Variants in ZMYM1 observed in about 807,000 individuals in gnomAD.
The protein encoded by ZMYM1 is zinc finger MYM-type containing 1.
A neutral mutation model predicts 60.0 loss-of-function variants in ZMYM1; 39 were observed. The ratio of observed to expected loss-of-function variants is 0.65; its 90% CI spans 0.50 to 0.85. The LOEUF (loss-of-function observed/expected upper bound fraction) is 0.85, where lower values mean the gene tolerates loss of function less well. Among genes scored for constraint, ZMYM1 ranks in the 40% least tolerant of loss-of-function variants. ZMYM1 has a pLI of 0.00. For synonymous variants in ZMYM1, 413 were observed against 454.0 expected, an observed-to-expected ratio of 0.91 and a Z score of 1.15; for missense variants, 1,171 against 1,309.5, an observed-to-expected ratio of 0.89 and a Z score of 1.63.
At chr1:35,088,737 C>T (rs1557652326) in intron 1 of ZMYM1, among the ~76,000 whole-genome samples, 2 of 150,406 alleles carry the variant, frequency 1.3e-5, no homozygotes, top group African/African-American at 4.9e-5. Flanking sequence ...ACATGTTTTG[C>T]TCTTCTTATA....
rs2148575405 is a variant in ZMYM1, at chr1:35,113,739, A to G, written c.1909A>G (p.Ile637Val). ...AATGTTGCAGGATATTGTGAATGAGATCAATGACTCCTCAGCATTTTCAAT... is the reference window on the plus strand; with the variant it reads ...AATGTTGCAGGATATTGTGAATGAGGTCAATGACTCCTCAGCATTTTCAAT... ...TEMLQDIVNE[I>V]NDSSAFSIIC... The change falls in exon 10 of 10, where the codon ATC (isoleucine) becomes GTC (valine). Residue 637 changes from isoleucine (I) to valine (V), a missense_variant. Coordinates refer to ENST00000359858, the MANE Select transcript of ZMYM1 (RefSeq NM_024772.5). 1 of 1,613,940 alleles carries G rather than the reference A, an allele frequency of 6.2e-7. No homozygotes were observed. Among genetic ancestry groups the G allele is most frequent in the Admixed American group, 1.7e-5 (1 of 60,024 alleles).
intron 1 of ZMYM1, among the ~76,000 whole-genome samples, chr1:35,063,725 C>T (rs1005134893): frequency 2.6e-5 from 4 of 152,158 alleles, no homozygotes; most frequent in Admixed American, 6.5e-5. Context: ...GAACATTTGA[C>T]GATCTCTATC....
At chr1:35,083,934 G>A (rs1642523012) in intron 1 of ZMYM1, among the ~76,000 whole-genome samples, 1 of 152,110 alleles carries the variant, frequency 6.6e-6, no homozygotes, top group South Asian at 2.1e-4. Flanking sequence ...TTCAAATACT[G>A]CTTCTTTTGC....
chr1:35,064,477 T>G (rs1420228425), intron 1 of ZMYM1, among the ~76,000 whole-genome samples: 1 of 151,766 alleles, frequency 6.6e-6, no homozygotes, highest in Non-Finnish European at 1.5e-5. Context: ...TATAGGACAC[T>G]CCACCCAACA....
chr1:35,099,020 G>A (rs573506694), intron 4 of ZMYM1, among the ~76,000 whole-genome samples: 15 of 152,240 alleles, frequency 9.9e-5, no homozygotes, highest in African/African-American at 2.6e-4. Context: ...CTTAGTATTC[G>A]TATCTGTTTT....
upstream of ZMYM1, among the ~76,000 whole-genome samples, chr1:35,077,723 C>A (rs952349898): frequency 6.6e-6 from 1 of 152,162 alleles, no homozygotes; most frequent in Non-Finnish European, 1.5e-5. Flanking sequence ...AACCAATCAG[C>A]GCTTCTGGCT....
Position 35,114,829 on chromosome 1 carries a change from A to C in ZMYM1, c.2999A>C (p.Lys1000Thr). The change falls in exon 10 of 10, where the codon AAA becomes ACA. Residue 1000 changes from lysine (K) to threonine (T), a missense_variant. Coordinates refer to ENST00000359858, the MANE Select transcript of ZMYM1 (RefSeq NM_024772.5). ...KIKQISELLF[K>T]WNEPLNETTA... ...AAGCAAATTTCAGAACTGTTATTTAAATGGAATGAACCATTAAATGAAACA... is the reference window on the plus strand; with the variant it reads ...AAGCAAATTTCAGAACTGTTATTTACATGGAATGAACCATTAAATGAAACA... 1 of 1,605,622 alleles carries C rather than the reference A, an allele frequency of 6.2e-7. No homozygotes were observed. The highest frequency in any genetic ancestry group is 8.5e-7 in the Non-Finnish European group (1 of 1,177,186).
At chr1:35,104,184 C>A in intron 4 of ZMYM1, 111 bp from the exon 5 acceptor site, 2 of 1,018,784 alleles carry the variant, frequency 2.0e-6, no homozygotes, top group South Asian at 2.0e-5. Context: ...TTCAGGTTTT[C>A]TTATTTCAAG....
rs1354739257 is a variant in ZMYM1 at position 35,115,754 on chromosome 1, C to T, written c.*495C>T. On this transcript the variant is annotated 3_prime_UTR_variant, in exon 10 of 10. Transcript: ENST00000359858. Reference sequence around the variant, plus strand: ...CTAGGTTAAGATATGTGCATTTTTACTTTTGATAGATATTGGCAAGTTGCC... The same window carrying T: ...CTAGGTTAAGATATGTGCATTTTTATTTTTGATAGATATTGGCAAGTTGCC... 2 of 152,286 alleles carry T rather than the reference C, an allele frequency of 1.3e-5. No homozygotes were observed. The highest frequency in any genetic ancestry group is 2.9e-5 in the Non-Finnish European group (2 of 68,146). The allele number at this position is 152,286 out of a possible 1,614,324, so 9.4% of individuals were successfully genotyped here.
chr1:35,080,670 T>C (rs1487129193), intron 1 of ZMYM1, among the ~76,000 whole-genome samples: 1 of 151,868 alleles, frequency 6.6e-6, no homozygotes, highest in Non-Finnish European at 1.5e-5. Context: ...CCATCATTGG[T>C]TGGTAGACAC....
In ZMYM1 at chr1:35,097,433, C is replaced by A; in HGVS notation, c.286C>A (p.Leu96Ile). 1 of 1,614,092 alleles carries A rather than the reference C, an allele frequency of 6.2e-7. No homozygotes were observed. Among genetic ancestry groups the A allele is most frequent in the South Asian group, 1.1e-5 (1 of 91,080 alleles). ...TTCCTGTGCTGGTTGTAAAAAAATT[C>A]TCCAGAAGGGGCAAACTGCTTATCA... ...QVSCAGCKKI[L>I]QKGQTAYQRK... Residue 96 changes from leucine (L) to isoleucine (I), a missense_variant, in exon 4 of 10, where the codon CTC becomes ATC. Coordinates refer to ENST00000359858, the MANE Select transcript of ZMYM1 (RefSeq NM_024772.5).
At chr1:35,096,180 C>T (rs574720697) in intron 3 of ZMYM1, among the ~76,000 whole-genome samples, 4 of 151,902 alleles carry the variant, frequency 2.6e-5, no homozygotes, top group Admixed American at 6.6e-5. Flanking sequence ...GGCGTGGTGG[C>T]GCATGCCTGT....
rs1642565666 is a variant in ZMYM1, at chr1:35,084,710, C to T, written c.-75+5268C>T. Among the ~76,000 whole-genome samples the T allele has an allele frequency of 2.6e-5, 4 of 152,190 alleles. No homozygotes were observed. In the South Asian group the frequency reaches 8.3e-4, roughly 31 times the overall value. On this transcript the variant is annotated intron_variant, in intron 1 of 9. Transcript: ENST00000359858. ...TGCTATAATCTTATTAGCTCTTTGACGTTTAACTGCTGTGTTCTGTTAAGT... is the reference window on the plus strand; with the variant it reads ...TGCTATAATCTTATTAGCTCTTTGATGTTTAACTGCTGTGTTCTGTTAAGT...
chr1:35,066,600 A>G (rs1419267874), intron 1 of ZMYM1, among the ~76,000 whole-genome samples: 1 of 152,262 alleles, frequency 6.6e-6, no homozygotes, highest in African/African-American at 2.4e-5. Flanking sequence ...GAAAGGAATA[A>G]TGAAAGAAAT....
At chr1:35,100,603 C>T (rs1042862376) in intron 4 of ZMYM1, among the ~76,000 whole-genome samples, 4 of 148,286 alleles carry the variant, frequency 2.7e-5, no homozygotes, top group African/African-American at 1.0e-4. Context: ...GCCTGGGCAA[C>T]GGAGTGAGAC....
In ZMYM1 at chr1:35,113,346, A is replaced by T; in HGVS notation, c.1516A>T (p.Thr506Ser). The T allele has an allele frequency of 6.2e-7, 1 of 1,612,958 alleles. No homozygotes were observed. The highest frequency in any genetic ancestry group is 8.5e-7 in the Non-Finnish European group (1 of 1,179,726). ...CCACGGAACTTCTAATTGGAAAAAA[A>T]CCCTGGAAAAATTCAGAAAGCATGA... ...ATHGTSNWKK[T>S]LEKFRKHEKS... The change falls in exon 10 of 10, where the codon ACC (threonine) becomes TCC (serine). Residue 506 changes from threonine (T) to serine (S), a missense_variant. Thr to Ser is a moderately conservative substitution (Grantham distance 58). Coordinates refer to ENST00000359858, the MANE Select transcript of ZMYM1 (RefSeq NM_024772.5).
chr1:35,096,310 TAAA>T (rs570507284), intron 3 of ZMYM1, among the ~76,000 whole-genome samples: 2 of 121,992 alleles, frequency 1.6e-5, no homozygotes, highest in African/African-American at 3.1e-5. Flanking sequence ...AGACTCTGTC[TAAA>T]AAAAAAAAAA....
At chr1:35,079,119 AAGT>A (rs1199437162), upstream of ZMYM1, 2 of 152,194 alleles carry the variant, frequency 1.3e-5, no homozygotes, top group Non-Finnish European at 2.9e-5. Context: ...CACAGCTAAT[AAGT>A]AGTAAAGCCA....
intron 1 of ZMYM1, among the ~76,000 whole-genome samples, chr1:35,080,558 C>T (rs1569862834): frequency 6.6e-6 from 1 of 152,094 alleles, no homozygotes; most frequent in Non-Finnish European, 1.5e-5. Flanking sequence ...TCGAAGCAAT[C>T]CACCTGCTTG....
Sources: allele counts gnomAD v4.1 joint callset (sites outside exome capture counted in the v4.1 genomes callset), GRCh38; gene constraint gnomAD v4.1.1; transcripts MANE v1.5; gene names NCBI Gene and HGNC (gene_info 2026-07-23, HGNC 2026-07-21).